ROBO2: variants seen among roughly 807,000 people sequenced by gnomAD.
The protein encoded by ROBO2 is roundabout guidance receptor 2, also known as roundabout homolog 2.
A neutral mutation model predicts 160.8 loss-of-function variants in ROBO2; 53 were observed. That is an observed-to-expected ratio of 0.33 (90% CI 0.26 to 0.41). ROBO2 has a LOEUF of 0.41. Ranked by LOEUF, ROBO2 falls within the 10% of genes least tolerant of loss-of-function variation. ROBO2 has a pLI of 1.00. For missense variants in ROBO2, 1,577 were observed against 1,722.4 expected (o/e 0.92, Z 1.49); for synonymous variants, 664 against 611.7 (o/e 1.09, Z -1.26).
At chr3:76,784,528 T>C (rs1329914739) in intron 2 of ROBO2, among the ~76,000 whole-genome samples, 1 of 151,188 alleles carries the variant, frequency 6.6e-6, no homozygotes, top group African/African-American at 2.4e-5. Context: ...TATCTGCTAT[T>C]AAGATCTGTT....
intron 2 of ROBO2, among the ~76,000 whole-genome samples, chr3:77,337,689 TGA>T (rs2066628763): frequency 6.6e-6 from 1 of 152,156 alleles, no homozygotes; most frequent in African/African-American, 2.4e-5. Context: ...AAACATTAAA[TGA>T]GAACACGACA....
chr3:77,594,715 G>A (rs1486170324), intron 17 of ROBO2, among the ~76,000 whole-genome samples: 1 of 152,134 alleles, frequency 6.6e-6, no homozygotes, highest in Non-Finnish European at 1.5e-5. Context: ...GACGTAACAT[G>A]TTGGAACTTT....
At chr3:76,192,241 C>G (rs145996445) in intron 2 of ROBO2, among the ~76,000 whole-genome samples, 4,035 of 151,152 alleles carry the variant, frequency 0.027, 40 homozygotes, top group South Asian at 0.039. Context: ...CTTACAAATC[C>G]TGCCATTTCC....
intron 2 of ROBO2, among the ~76,000 whole-genome samples, chr3:76,478,162 T>A (rs1222532874): frequency 6.9e-6 from 1 of 145,262 alleles, no homozygotes; most frequent in Non-Finnish European, 1.5e-5. Context: ...TATCTCCTAA[T>A]GCTATCCCTC....
chr3:76,846,079 A>G (rs2148502221), intron 2 of ROBO2, among the ~76,000 whole-genome samples: 1 of 152,254 alleles, frequency 6.6e-6, no homozygotes, highest in South Asian at 2.1e-4. Context: ...ACAAGACAAT[A>G]TATCCCAATT....
intron 2 of ROBO2, among the ~76,000 whole-genome samples, chr3:76,075,919 G>A (rs2068631823): frequency 1.3e-5 from 2 of 152,186 alleles, no homozygotes; most frequent in African/African-American, 4.8e-5. Context: ...ACTAATTGAT[G>A]AAAAAGTTTG....
intron 2 of ROBO2, among the ~76,000 whole-genome samples, chr3:77,203,903 C>G (rs752259543): frequency 6.6e-5 from 10 of 152,266 alleles, no homozygotes; most frequent in Non-Finnish European, 1.2e-4. Flanking sequence ...AACTTATGCC[C>G]TTAATTATGA....
intron 2 of ROBO2, among the ~76,000 whole-genome samples, chr3:76,635,480 G>A (rs1289704494): frequency 6.6e-6 from 1 of 152,168 alleles, no homozygotes; most frequent in Non-Finnish European, 1.5e-5. Flanking sequence ...CGGAAGAACT[G>A]AATGACATAT....
intron 2 of ROBO2, among the ~76,000 whole-genome samples, chr3:76,556,310 A>G (rs1389615820): frequency 1.3e-5 from 2 of 152,170 alleles, no homozygotes; most frequent in Non-Finnish European, 2.9e-5. Flanking sequence ...GAAGGAAAAT[A>G]TGTTTCCTAG....
rs2072312382 is a variant in ROBO2, at chr3:77,374,278, G to A, written c.389-103136G>A. ...TTATTAGGCCAGTCTTAGTTTTTTT[G>A]GTGTTTTCAACAAAAATATCCTGAA... is the stretch of plus-strand genomic sequence containing the variant. On this transcript the variant is annotated intron_variant, in intron 2 of 25. Coordinates refer to ENST00000461745, the Ensembl canonical transcript of ROBO2. Among the ~76,000 whole-genome samples the A allele has an allele frequency of 3.4e-5, 5 of 145,964 alleles. No homozygotes were observed. The South Asian group carries it at 1.1e-3, about 32-fold the overall frequency.
At chr3:76,888,961 A>C (rs1292395240) in intron 2 of ROBO2, among the ~76,000 whole-genome samples, 1 of 152,190 alleles carries the variant, frequency 6.6e-6, no homozygotes, top group Non-Finnish European at 1.5e-5. Context: ...TCTCTCTCAA[A>C]AGCTGACAGA....
intron 13 of ROBO2, among the ~76,000 whole-genome samples, chr3:77,572,268 T>A (rs183855286): frequency 1.6e-4 from 25 of 152,174 alleles, no homozygotes; most frequent in Admixed American, 1.0e-3. Context: ...AATGCAAACT[T>A]AGTGTTGTTT....
chr3:76,100,200 G>A (rs2069626481), intron 2 of ROBO2, among the ~76,000 whole-genome samples: 4 of 152,128 alleles, frequency 2.6e-5, no homozygotes, highest in Non-Finnish European at 5.9e-5. Context: ...CTGACTGAAG[G>A]GATTGTGCTT....
chr3:76,067,118 A>C (rs1576714273), intron 2 of ROBO2, among the ~76,000 whole-genome samples: 1 of 152,184 alleles, frequency 6.6e-6, no homozygotes, highest in East Asian at 1.9e-4. Flanking sequence ...CAGGCTGTGA[A>C]TTCTGGAGTC....
intron 2 of ROBO2, among the ~76,000 whole-genome samples, chr3:76,935,563 G>A (rs1429191517): frequency 6.6e-6 from 1 of 152,026 alleles, no homozygotes; most frequent in Non-Finnish European, 1.5e-5. Context: ...GAATACAATA[G>A]ACTGGGTAGC....
intron 2 of ROBO2, among the ~76,000 whole-genome samples, chr3:76,868,203 C>G (rs1447685603): frequency 1.3e-5 from 2 of 152,148 alleles, no homozygotes; most frequent in East Asian, 1.9e-4. Flanking sequence ...TCAGCAACCT[C>G]CCTAATTTCT....
rs540373552 is a variant in ROBO2 at position 77,590,925 on chromosome 3, G to C, written c.2683+1992G>C. 5.9e-5 allele frequency among the ~76,000 whole-genome samples: 9 copies of C among 152,140 alleles called. No homozygotes were observed. In the East Asian group the frequency reaches 9.7e-4, roughly 16 times the overall value. ...TGTTATTGCTACTCATCTGCTTGTAGACGAACTGCTAACTCAGAAGGTGCT... is the reference window on the plus strand; with the variant it reads ...TGTTATTGCTACTCATCTGCTTGTACACGAACTGCTAACTCAGAAGGTGCT... On this transcript the variant is annotated intron_variant, in intron 17 of 25. Coordinates refer to ENST00000461745, the Ensembl canonical transcript of ROBO2.
At position 77,515,774 on chromosome 3, in the gene ROBO2, G is replaced by T. The variant is rs989798180; in HGVS notation, c.807-7001G>T. The stretch of plus-strand genomic sequence containing the variant: ...TTGTAATATAGTTGATGAAAATTGC[G>T]CCAGAAGACTTAGATTCCAATACGG... On this transcript the variant is annotated intron_variant, in intron 5 of 25. Coordinates refer to ENST00000461745, the Ensembl canonical transcript of ROBO2. Among the ~76,000 whole-genome samples the T allele has an allele frequency of 3.2e-4, 48 of 151,606 alleles. No individual in the cohort carries two copies. The Admixed American group carries it at 3.2e-3, about 10-fold the overall frequency.
intron 2 of ROBO2, among the ~76,000 whole-genome samples, chr3:76,852,457 C>T (rs917946669): frequency 1.3e-5 from 2 of 152,062 alleles, no homozygotes; most frequent in African/African-American, 2.4e-5. Context: ...ATGTTCTAGC[C>T]GTGTGGTAAT....
Sources: allele counts gnomAD v4.1 joint callset (sites outside exome capture counted in the v4.1 genomes callset), GRCh38; gene constraint gnomAD v4.1.1; transcripts MANE v1.5; gene names NCBI Gene and HGNC (gene_info 2026-07-23, HGNC 2026-07-21).